The following ERBB4 variants were observed in gnomAD, a reference collection of about 807,000 sequenced individuals.
ERBB4 encodes the protein erb-b2 receptor tyrosine kinase 4.
In ERBB4, 42 loss-of-function variants were observed where a neutral mutation model predicts 158.0. That is an observed-to-expected ratio of 0.27 (90% CI 0.21 to 0.34). The LOEUF (loss-of-function observed/expected upper bound fraction) is 0.34, where lower values mean the gene tolerates loss of function less well. Ranked by LOEUF, ERBB4 falls within the 10% of genes least tolerant of loss-of-function variation. The probability of loss-of-function intolerance (pLI) is 1.00; values close to 1 mark genes in which losing one functional copy is unlikely to be tolerated. For synonymous variants in ERBB4, 583 were observed against 558.7 expected, an observed-to-expected ratio of 1.04 and a Z score of -0.61; for missense variants, 1,333 against 1,624.1, an observed-to-expected ratio of 0.82 and a Z score of 3.08.
chr2:212,451,077 T>C lies in ERBB4; in HGVS notation c.82+87372A>G, dbSNP rs111840650. On this transcript the variant is annotated intron_variant, in intron 1 of 27. Coordinates refer to ENST00000342788, the MANE Select transcript of ERBB4 (RefSeq NM_005235.3). The stretch of plus-strand genomic sequence containing the variant: ...ATATACTAGGCTCCCTATTATGAAG[T>C]AGAAAGTAGAGAATGAAGAATATTT... 8.8e-3 allele frequency among the ~76,000 whole-genome samples: 1,333 copies of C among 152,192 alleles called. 26 individuals carry two copies. The highest frequency in any genetic ancestry group is 0.03 in the African/African-American group (1,263 of 41,540).
chr2:212,457,584 C>T (rs762980086), intron 1 of ERBB4, among the ~76,000 whole-genome samples: 11 of 152,040 alleles, frequency 7.2e-5, no homozygotes, highest in Non-Finnish European at 1.3e-4. Flanking sequence ...CTACCTATCA[C>T]TCTATTGGCA....
At chr2:212,256,319 T>C (rs2084737994) in intron 1 of ERBB4, among the ~76,000 whole-genome samples, 1 of 152,172 alleles carries the variant, frequency 6.6e-6, no homozygotes, top group Non-Finnish European at 1.5e-5. Context: ...GTATTTATTA[T>C]TTTTGGTTTG....
intron 5 of ERBB4, among the ~76,000 whole-genome samples, chr2:211,748,500 G>T (rs1559483266): frequency 1.3e-5 from 2 of 152,122 alleles, no homozygotes; most frequent in South Asian, 2.1e-4. Context: ...TGTCTTAAGT[G>T]CCCCTACTCA....
At chr2:211,859,035 G>A (rs2077946046) in intron 3 of ERBB4, among the ~76,000 whole-genome samples, 1 of 152,282 alleles carries the variant, frequency 6.6e-6, no homozygotes, top group African/African-American at 2.4e-5. Flanking sequence ...ACCTGCCTCA[G>A]CCTCACAAAG....
chr2:211,666,425 G>A (rs540456005), intron 14 of ERBB4, among the ~76,000 whole-genome samples: 2 of 152,094 alleles, frequency 1.3e-5, no homozygotes, highest in Admixed American at 1.3e-4. Context: ...TATGTGGAAT[G>A]TTAATAAGTG....
chr2:212,521,697 A>T lies in ERBB4; in HGVS notation c.82+16752T>A, dbSNP rs932272835. Among the ~76,000 whole-genome samples, 3 of 151,966 alleles carry T rather than the reference A, an allele frequency of 2.0e-5. No homozygotes were observed. In the East Asian group the frequency reaches 5.8e-4, roughly 29 times the overall value. On this transcript the variant is annotated intron_variant, in intron 1 of 27. Coordinates refer to ENST00000342788, the MANE Select transcript of ERBB4 (RefSeq NM_005235.3). The stretch of plus-strand genomic sequence containing the variant: ...TAACCTTCACAACTATGAGGTTAAC[A>T]TTAATATTCAATTCCCTTTTTAGAT...
chr2:212,356,383 G>A (rs1013108071), intron 1 of ERBB4, among the ~76,000 whole-genome samples: 1 of 151,888 alleles, frequency 6.6e-6, no homozygotes, highest in East Asian at 1.9e-4. Flanking sequence ...CCTAAATTCT[G>A]TATTTGTTCA....
At chr2:211,486,638 A>G (rs1422673268) in intron 20 of ERBB4, among the ~76,000 whole-genome samples, 1 of 152,104 alleles carries the variant, frequency 6.6e-6, no homozygotes, top group Non-Finnish European at 1.5e-5. Flanking sequence ...ATTTTGGGTC[A>G]AATCTCATCT....
chr2:211,565,772 G>C (rs903015356), intron 19 of ERBB4, among the ~76,000 whole-genome samples: 1 of 152,102 alleles, frequency 6.6e-6, no homozygotes, highest in African/African-American at 2.4e-5. Flanking sequence ...GTAAGGAAAA[G>C]GGGGCAGCAT....
At chr2:212,313,812 A>C (rs2087152118) in intron 1 of ERBB4, among the ~76,000 whole-genome samples, 1 of 151,084 alleles carries the variant, frequency 6.6e-6, no homozygotes, top group Non-Finnish European at 1.5e-5. Flanking sequence ...GGTAACATCT[A>C]TTAATTTGGA....
chr2:212,293,782 AG>A (rs1449039859), intron 1 of ERBB4, among the ~76,000 whole-genome samples: 4 of 131,164 alleles, frequency 3.0e-5, no homozygotes, highest in Non-Finnish European at 6.2e-5. Flanking sequence ...TAGGAGATGG[AG>A]GTTGCAGTGA....
At chr2:212,168,961 A>C (rs2081429829) in intron 1 of ERBB4, among the ~76,000 whole-genome samples, 2 of 152,196 alleles carry the variant, frequency 1.3e-5, no homozygotes. Flanking sequence ...TATGTGACAA[A>C]ATAAAATGAG....
intron 4 of ERBB4, among the ~76,000 whole-genome samples, chr2:211,774,073 A>ATTTTTTTTTTTTTTTTTT (rs113991569): frequency 1.4e-5 from 2 of 142,132 alleles, no homozygotes; most frequent in African/African-American, 2.6e-5. Context: ...ACCCCAACCA[A>ATTTTTTTTTTTTTTTTTT]TTTTTTTTTT....
intron 20 of ERBB4, among the ~76,000 whole-genome samples, chr2:211,487,491 T>C (rs1224194172): frequency 6.6e-6 from 1 of 152,148 alleles, no homozygotes; most frequent in African/African-American, 2.4e-5. Flanking sequence ...TTTGGCATTA[T>C]GTAGACATAC....
intron 1 of ERBB4, among the ~76,000 whole-genome samples, chr2:212,292,635 A>G (rs1446561528): frequency 3.9e-5 from 6 of 152,098 alleles, no homozygotes; most frequent in Admixed American, 2.6e-4. Context: ...ATATTTAATT[A>G]TAAGTACACA....
chr2:211,439,945 A>G (rs1311902745), intron 20 of ERBB4, among the ~76,000 whole-genome samples: 4 of 152,024 alleles, frequency 2.6e-5, no homozygotes, highest in Non-Finnish European at 4.4e-5. Context: ...TGCTCCTTAC[A>G]TTTTCTTCAG....
At chr2:211,403,678 C>A (rs2063091113) in intron 25 of ERBB4, among the ~76,000 whole-genome samples, 1 of 152,142 alleles carries the variant, frequency 6.6e-6, no homozygotes, top group African/African-American at 2.4e-5. Context: ...GCTCTCAATG[C>A]CAATTCTTTA....
At chr2:212,297,734 G>T (rs1243144826) in intron 1 of ERBB4, among the ~76,000 whole-genome samples, 1 of 151,542 alleles carries the variant, frequency 6.6e-6, no homozygotes, top group Non-Finnish European at 1.5e-5. Context: ...CTAGAAAGAT[G>T]ATGAAAAAGG....
intron 1 of ERBB4, among the ~76,000 whole-genome samples, chr2:212,255,200 A>T (rs903707380): frequency 3.2e-4 from 48 of 152,176 alleles, no homozygotes; most frequent in African/African-American, 1.1e-3. Flanking sequence ...AGAGGAAAAA[A>T]TAAGAATAAT....
Sources: allele counts gnomAD v4.1 joint callset (sites outside exome capture counted in the v4.1 genomes callset), GRCh38; gene constraint gnomAD v4.1.1; transcripts MANE v1.5; gene names NCBI Gene and HGNC (gene_info 2026-07-23, HGNC 2026-07-21).